The following ATP6V1H variants were observed in gnomAD, a reference collection of about 807,000 sequenced individuals.
The protein encoded by ATP6V1H is V-type proton ATPase subunit H.
A neutral mutation model predicts 71.7 loss-of-function variants in ATP6V1H; 39 were observed. The ratio of observed to expected loss-of-function variants is 0.54; its 90% CI spans 0.42 to 0.71. The LOEUF (loss-of-function observed/expected upper bound fraction) is 0.71, where lower values mean the gene tolerates loss of function less well. Ranked by LOEUF, ATP6V1H falls within the 30% of genes least tolerant of loss-of-function variation. The probability of loss-of-function intolerance (pLI) is 0.00; values close to 1 mark genes in which losing one functional copy is unlikely to be tolerated. For synonymous variants in ATP6V1H, 192 were observed against 199.3 expected (o/e 0.96, Z 0.31); for missense variants, 509 against 594.9 (o/e 0.86, Z 1.50).
chr8:53,795,234 A>C (rs1809689819), intron 9 of ATP6V1H, among the ~76,000 whole-genome samples: 1 of 152,228 alleles, frequency 6.6e-6, no homozygotes. Flanking sequence ...CTGTTTAAAT[A>C]ATGATAGATC....
At chr8:53,721,072 C>T (rs1003021663) in intron 13 of ATP6V1H, among the ~76,000 whole-genome samples, 1 of 152,074 alleles carries the variant, frequency 6.6e-6, no homozygotes, top group Non-Finnish European at 1.5e-5. Flanking sequence ...TATATAAACA[C>T]AATTTATCTT....
At chr8:53,765,940 C>T (rs756582795) in intron 11 of ATP6V1H, among the ~76,000 whole-genome samples, 1 of 152,130 alleles carries the variant, frequency 6.6e-6, no homozygotes, top group Admixed American at 6.5e-5. Flanking sequence ...AAAGAATAGA[C>T]AAATAGATCG....
chr8:53,761,285 C>T (rs6994264), intron 11 of ATP6V1H, among the ~76,000 whole-genome samples: 2,874 of 150,948 alleles, frequency 0.019, 76 homozygotes, highest in African/African-American at 0.064. Flanking sequence ...TGCAGTGAGC[C>T]GAGATCGCGC....
chr8:53,837,339 C>T (rs1811189518), intron 2 of ATP6V1H, among the ~76,000 whole-genome samples: 1 of 152,182 alleles, frequency 6.6e-6, no homozygotes, highest in South Asian at 2.1e-4. Flanking sequence ...CTACTACATG[C>T]CAGGCACCTG....
intron 4 of ATP6V1H, among the ~76,000 whole-genome samples, chr8:53,824,973 C>T (rs1473489549): frequency 6.6e-6 from 1 of 151,660 alleles, no homozygotes; most frequent in African/African-American, 2.4e-5. Context: ...CATTAACAAA[C>T]AAAAGTTCAG....
chr8:53,738,540 G>A (rs972159031), intron 13 of ATP6V1H, among the ~76,000 whole-genome samples: 1 of 152,108 alleles, frequency 6.6e-6, no homozygotes, highest in Non-Finnish European at 1.5e-5. Context: ...CCAATCGTAA[G>A]CAAACAAAAC....
At chr8:53,796,942 A>G (rs1278743981) in intron 8 of ATP6V1H, among the ~76,000 whole-genome samples, 21 of 152,216 alleles carry the variant, frequency 1.4e-4, no homozygotes, top group Admixed American at 1.1e-3. Flanking sequence ...ATTTGTATAT[A>G]GTTCAGTTCA....
At chr8:53,834,375 T>A (rs887352967) in intron 2 of ATP6V1H, among the ~76,000 whole-genome samples, 1 of 152,208 alleles carries the variant, frequency 6.6e-6, no homozygotes, top group Admixed American at 6.5e-5. Context: ...AAATTAAAAA[T>A]TTTTGTAATC....
intron 12 of ATP6V1H, chr8:53,756,120 G>T (rs1457085201): frequency 1.4e-5 from 2 of 143,280 alleles, no homozygotes; most frequent in African/African-American, 5.3e-5. Flanking sequence ...GCCCAGGCTG[G>T]AGTGCAGTGG....
intron 9 of ATP6V1H, among the ~76,000 whole-genome samples, chr8:53,773,479 C>T (rs1232437650): frequency 6.6e-6 from 1 of 152,162 alleles, no homozygotes; most frequent in Admixed American, 6.5e-5. Flanking sequence ...AGTTCATACT[C>T]ACATACAGTA....
In ATP6V1H at chr8:53,715,624, C is replaced by A; in HGVS notation, c.*340G>T. On this transcript the variant is annotated 3_prime_UTR_variant, in exon 14 of 14. Transcript: ENST00000359530. ...TCTCCCAATTTGGTTTGAAAAGAGA[C>A]AACAGTTGACTTTTGTTCAAAGTCC... 1 of 218,110 alleles carries A rather than the reference C, an allele frequency of 4.6e-6. No homozygotes were observed. Among genetic ancestry groups the A allele is most frequent in the East Asian group, 9.6e-5 (1 of 10,366 alleles). 13.5% of individuals were successfully genotyped at this position (218,110 alleles called of 1,614,324 possible).
chr8:53,828,587 C>A (rs980628304), intron 4 of ATP6V1H, among the ~76,000 whole-genome samples: 1 of 152,164 alleles, frequency 6.6e-6, no homozygotes, highest in Non-Finnish European at 1.5e-5. Flanking sequence ...AGACTGAGGT[C>A]ATTCTCAAGA....
At chr8:53,837,894 G>T (rs545004737) in intron 2 of ATP6V1H, among the ~76,000 whole-genome samples, 6 of 152,134 alleles carry the variant, frequency 3.9e-5, no homozygotes. Flanking sequence ...ACGTAGAGCT[G>T]GAAGAATGTG....
chr8:53,808,549 C>T (rs1057265970), intron 7 of ATP6V1H, among the ~76,000 whole-genome samples: 4 of 152,182 alleles, frequency 2.6e-5, no homozygotes, highest in Admixed American at 1.3e-4. Context: ...GGGTAGATTG[C>T]CTGAGCTCAG....
intron 13 of ATP6V1H, among the ~76,000 whole-genome samples, chr8:53,738,221 C>T (rs928459142): frequency 4.6e-5 from 7 of 150,634 alleles, no homozygotes; most frequent in Non-Finnish European, 8.8e-5. Flanking sequence ...TGCCTGAACC[C>T]GGGAGGTGGA....
chr8:53,841,426 A>G, intron 2 of ATP6V1H, 152 bp downstream of exon 2: 2 of 894,586 alleles, frequency 2.2e-6, no homozygotes, highest in Non-Finnish European at 3.2e-6. Flanking sequence ...ACTACACTTA[A>G]CTCCCTAAGA....
intron 6 of ATP6V1H, among the ~76,000 whole-genome samples, chr8:53,814,313 T>A (rs1563478838): frequency 6.6e-6 from 1 of 152,132 alleles, no homozygotes; most frequent in Non-Finnish European, 1.5e-5. Context: ...TTTTCCTTTA[T>A]CGAAGCCTCA....
At chr8:53,796,126 A>G (rs945369732) in intron 8 of ATP6V1H, among the ~76,000 whole-genome samples, 1 of 152,230 alleles carries the variant, frequency 6.6e-6, no homozygotes, top group Admixed American at 6.5e-5. Context: ...GGGAATGGAA[A>G]GAGCAATCGG....
chr8:53,731,282 G>T (rs990930753), intron 13 of ATP6V1H, among the ~76,000 whole-genome samples: 1 of 152,076 alleles, frequency 6.6e-6, no homozygotes, highest in African/African-American at 2.4e-5. Context: ...CAGCTCTCAC[G>T]ATAAGGAAGG....
Sources: gnomAD v4.1 joint callset for allele counts (sites outside exome capture counted in the v4.1 genomes callset) on GRCh38, gnomAD v4.1.1 for gene constraint, MANE v1.5 for transcripts, NCBI Gene and HGNC (gene_info 2026-07-23, HGNC 2026-07-21) for gene names.